MACC1: variants seen among roughly 807,000 people sequenced by gnomAD.
The protein encoded by MACC1 is metastasis-associated in colon cancer protein 1.
Under a neutral mutation model 70.7 loss-of-function variants are expected in MACC1, and 79 were observed. The observed-to-expected ratio is 1.12, with a 90% CI of 0.93 to 1.35. The LOEUF is 1.35. Ranked by LOEUF, MACC1 falls within the 40% of genes most tolerant of loss-of-function variation. The pLI is 0.00. For synonymous variants in MACC1, 361 were observed against 347.2 expected, an observed-to-expected ratio of 1.04 and a Z score of -0.44; for missense variants, 1,106 against 978.1, an observed-to-expected ratio of 1.13 and a Z score of -1.74.
chr7:20,212,342 C>G (rs1201567677), intron 1 of MACC1, among the ~76,000 whole-genome samples: 1 of 152,174 alleles, frequency 6.6e-6, no homozygotes, highest in Non-Finnish European at 1.5e-5. Context: ...GATGTCTGTT[C>G]TGGCTGGAGA....
At chr7:20,163,074 A>C (rs988924598) in intron 3 of MACC1, among the ~76,000 whole-genome samples, 1 of 152,214 alleles carries the variant, frequency 6.6e-6, no homozygotes, top group Non-Finnish European at 1.5e-5. Context: ...CCGCAAATCA[A>C]TAAACAAAAT....
Position 20,159,693 on chromosome 7 carries a change from C to G in MACC1, c.668G>C (p.Gly223Ala), listed in dbSNP as rs796507689. 3 of 1,614,118 alleles carry G rather than the reference C, an allele frequency of 1.9e-6. No homozygotes were observed. The highest frequency in any genetic ancestry group is 2.2e-5 in the South Asian group (2 of 91,080). Residue 223 changes from glycine (G) to alanine (A), a missense_variant, in exon 5 of 7, where the codon GGG becomes GCG. Transcript: ENST00000400331. ...TIACKVNHQGGSVQLPESDIT... is the reference protein window; with the variant it reads ...TIACKVNHQGASVQLPESDIT... ...GTCTGATTCAGGTAATTGTACTGAC[C>G]CTCCTTGATGGTTTACTTTGCAAGC...
intron 1 of MACC1, among the ~76,000 whole-genome samples, chr7:20,196,205 T>C (rs1324526487): frequency 6.6e-6 from 1 of 152,114 alleles, no homozygotes; most frequent in East Asian, 1.9e-4. Context: ...TTTTTTGAGA[T>C]GGATTCTCGC....
chr7:20,184,745 A>G (rs1054523759), intron 1 of MACC1, among the ~76,000 whole-genome samples: 1 of 152,108 alleles, frequency 6.6e-6, no homozygotes. Flanking sequence ...AACTACAAAA[A>G]TTTTTCTTTG....
intron 1 of MACC1, among the ~76,000 whole-genome samples, chr7:20,183,084 C>G (rs1043706719): frequency 1.3e-5 from 2 of 152,168 alleles, no homozygotes; most frequent in Non-Finnish European, 2.9e-5. Flanking sequence ...GATAAGATGC[C>G]TCATCCATGA....
At chr7:20,198,160 T>C (rs373764042) in intron 1 of MACC1, among the ~76,000 whole-genome samples, 4 of 152,080 alleles carry the variant, frequency 2.6e-5, no homozygotes, top group African/African-American at 9.7e-5. Context: ...CATCTGGAGA[T>C]CCCTGAGGGC....
chr7:20,156,330 C>T (rs866247167), intron 5 of MACC1, among the ~76,000 whole-genome samples: 3 of 152,140 alleles, frequency 2.0e-5, no homozygotes, highest in Non-Finnish European at 2.9e-5. Context: ...GGAAGCTCCC[C>T]GCTTGAATGG....
chr7:20,161,181 T>C (rs752162071), intron 4 of MACC1, among the ~76,000 whole-genome samples: 9 of 152,090 alleles, frequency 5.9e-5, no homozygotes, highest in Admixed American at 2.6e-4. Context: ...GTGCTGCTTT[T>C]AGAGACAGGC....
In MACC1 at chr7:20,140,144, T is replaced by G. The variant is rs1781775511; in HGVS notation, c.*802A>C. 6.6e-6 allele frequency: 1 copy of G among 152,186 alleles called. No homozygotes were observed. Among genetic ancestry groups the G allele is most frequent in the Non-Finnish European group, 1.5e-5 (1 of 68,046 alleles). The allele number at this position is 152,186 out of a possible 1,614,324, so 9.4% of individuals were successfully genotyped here. On this transcript the variant is annotated 3_prime_UTR_variant, in exon 7 of 7. Coordinates refer to ENST00000400331, the MANE Select transcript of MACC1 (RefSeq NM_182762.4). ...CAACAGATTTCTGATAAGTCATATTTTCCTTCTGTCAGTCTTTCAAGAGAC... is the reference window on the plus strand; with the variant it reads ...CAACAGATTTCTGATAAGTCATATTGTCCTTCTGTCAGTCTTTCAAGAGAC...
At chr7:20,165,005 A>T (rs779259321) in intron 2 of MACC1, among the ~76,000 whole-genome samples, 1 of 152,162 alleles carries the variant, frequency 6.6e-6, no homozygotes, top group Non-Finnish European at 1.5e-5. Context: ...TGTAGGTAGA[A>T]GTCCTCAACC....
At chr7:20,176,554 G>T (rs541050183) in intron 1 of MACC1, among the ~76,000 whole-genome samples, 1 of 152,224 alleles carries the variant, frequency 6.6e-6, no homozygotes, top group Middle Eastern at 3.4e-3. Flanking sequence ...AACTTGCCAT[G>T]TGCCCAGCAA....
intron 2 of MACC1, among the ~76,000 whole-genome samples, chr7:20,168,601 A>T (rs1230553491): frequency 6.6e-6 from 1 of 152,220 alleles, no homozygotes; most frequent in African/African-American, 2.4e-5. Context: ...GTTCAACAGT[A>T]AATCTCTTTA....
intron 2 of MACC1, among the ~76,000 whole-genome samples, chr7:20,164,850 A>G (rs1782189314): frequency 6.6e-6 from 1 of 152,004 alleles, no homozygotes; most frequent in Non-Finnish European, 1.5e-5. Context: ...TCGAAAAGAT[A>G]AAATATATTC....
chr7:20,186,918 A>G (rs1562596343), intron 1 of MACC1, among the ~76,000 whole-genome samples: 1 of 152,206 alleles, frequency 6.6e-6, no homozygotes, highest in Non-Finnish European at 1.5e-5. Context: ...GTAAGAAGAA[A>G]TAACTTAAGA....
chr7:20,159,132 T>C lies in MACC1; in HGVS notation c.1229A>G (p.Lys410Arg). ...CTGAAACACAACTGGAGATATGTTT[T>C]TTCCACCCTTCTTAATATCAGAAAT... ...LTISDIKKGGKNISPVVFQLW... is the reference protein window; with the variant it reads ...LTISDIKKGGRNISPVVFQLW... The change falls in exon 5 of 7, where the codon AAA (lysine) becomes AGA (arginine). Residue 410 changes from lysine (K) to arginine (R), a missense_variant. Transcript: ENST00000400331. 6.2e-7 allele frequency: 1 copy of C among 1,613,972 alleles called. No homozygotes were observed. Among genetic ancestry groups the C allele is most frequent in the Non-Finnish European group, 8.5e-7 (1 of 1,180,016 alleles).
At chr7:20,197,397 A>G (rs1314149867) in intron 1 of MACC1, among the ~76,000 whole-genome samples, 1 of 152,204 alleles carries the variant, frequency 6.6e-6, no homozygotes, top group African/African-American at 2.4e-5. Flanking sequence ...CTCCTGGGTA[A>G]AGAATCACAT....
chr7:20,194,520 C>G (rs1782720915), intron 1 of MACC1, among the ~76,000 whole-genome samples: 1 of 152,220 alleles, frequency 6.6e-6, no homozygotes, highest in Non-Finnish European at 1.5e-5. Flanking sequence ...TTTCATGGTA[C>G]CCTTAAAAGC....
chr7:20,154,962 T>A (rs1782034398), intron 5 of MACC1, among the ~76,000 whole-genome samples: 1 of 151,228 alleles, frequency 6.6e-6, no homozygotes, highest in South Asian at 2.1e-4. Context: ...AAGTTTAAAA[T>A]ATATATATAT....
intron 1 of MACC1, among the ~76,000 whole-genome samples, chr7:20,188,755 ACT>A (rs1341420010): frequency 6.6e-6 from 1 of 151,580 alleles, no homozygotes; most frequent in Non-Finnish European, 1.5e-5. Flanking sequence ...TCACTGGTAA[ACT>A]CTCATTGCTC....
Sources: allele counts gnomAD v4.1 joint callset (sites outside exome capture counted in the v4.1 genomes callset), GRCh38; gene constraint gnomAD v4.1.1; transcripts MANE v1.5; gene names NCBI Gene and HGNC (gene_info 2026-07-23, HGNC 2026-07-21).